Variants in CDH6 observed in about 807,000 individuals in gnomAD.
CDH6 encodes cadherin 6.
CDH6 carries 31 observed loss-of-function variants against 78.0 expected under a neutral mutation model. The observed-to-expected ratio is 0.40, with a 90% CI of 0.30 to 0.54. The LOEUF is 0.54. CDH6 is among the 20% of genes least tolerant of loss of function. The pLI is 0.56. For missense variants in CDH6, 724 were observed against 975.9 expected, an observed-to-expected ratio of 0.74 and a Z score of 3.44; for synonymous variants, 376 against 368.8, an observed-to-expected ratio of 1.02 and a Z score of -0.23.
Position 31,294,191 on chromosome 5 carries a change from A to G in CDH6, c.458A>G (p.Asn153Ser). 6.2e-7 allele frequency: 1 copy of G among 1,614,048 alleles called. No individual in the cohort carries two copies. The highest frequency in any genetic ancestry group is 8.5e-7 in the Non-Finnish European group (1 of 1,179,916). The change falls in exon 3 of 12, where the codon AAT becomes AGT. Residue 153 changes from asparagine (N) to serine (S), a missense_variant. Asn to Ser is a conservative substitution (Grantham distance 46, BLOSUM62 1). Coordinates refer to ENST00000265071, the MANE Select transcript of CDH6 (RefSeq NM_004932.4). The surrounding 1 kb of genome is among the most constrained non-coding windows in gnomAD (Gnocchi z 4.1). Reference protein sequence around the residue: ...SEFIIKIHDINDNEPIFTKEV... With the variant: ...SEFIIKIHDISDNEPIFTKEV... ...TTCATCATCAAGATCCATGACATCAATGACAATGAACCAATATTCACCAAG... is the reference window on the plus strand; with the variant it reads ...TTCATCATCAAGATCCATGACATCAGTGACAATGAACCAATATTCACCAAG...
At chr5:31,273,612 G>C (rs1313843177) in intron 2 of CDH6, among the ~76,000 whole-genome samples, 2 of 152,026 alleles carry the variant, frequency 1.3e-5, no homozygotes, top group African/African-American at 2.4e-5. Flanking sequence ...TGTCCACTTT[G>C]CAAAGCCATT....
In CDH6 at chr5:31,305,187, A is replaced by C; in HGVS notation, c.1013A>C (p.Glu338Ala). 6.2e-7 allele frequency: 1 copy of C among 1,611,586 alleles called. No individual in the cohort carries two copies. Among genetic ancestry groups the C allele is most frequent in the Non-Finnish European group, 8.5e-7 (1 of 1,178,734 alleles). ...CCCAACCTCAAGCTCTTGGACTTTG[A>C]AAAGAAGAAAGTGTATACCCTTAAA... is the stretch of plus-strand genomic sequence containing the variant. ...IITVKKLLDF[E>A]KKKVYTLKVE... The change falls in exon 7 of 12, where the codon GAA (glutamate) becomes GCA (alanine). Residue 338 changes from glutamate (E) to alanine (A), a missense_variant. By Grantham distance (107) the Glu-to-Ala change is moderately radical. This residue lies in a region of CDH6 where 446 missense variants were observed against 684.5 expected (regional missense o/e 0.65). Transcript: ENST00000265071.
At chr5:31,252,111 C>T (rs978311888) in intron 1 of CDH6, among the ~76,000 whole-genome samples, 2 of 152,170 alleles carry the variant, frequency 1.3e-5, no homozygotes, top group African/African-American at 4.8e-5. Flanking sequence ...TATTGCACTT[C>T]TGGCATTATC....
At chr5:31,215,991 T>C (rs1160622202) in intron 1 of CDH6, among the ~76,000 whole-genome samples, 1 of 152,176 alleles carries the variant, frequency 6.6e-6, no homozygotes, top group Non-Finnish European at 1.5e-5. Flanking sequence ...CCCTTTGGTT[T>C]TTTTTCAAAA....
chr5:31,297,341 G>T lies in CDH6; in HGVS notation c.576G>T (p.Gly192=), dbSNP rs1010640288. Residue 192 remains glycine, a synonymous_variant, in exon 4 of 12, where the codon GGG becomes GGT. Transcript: ENST00000265071. ...CGGATGCAGATGATCCAACATATGG[G>T]AACAGTGCTAAAGTTGTCTACAGTA... is the stretch of plus-strand genomic sequence containing the variant. ...TATDADDPTY[G]NSAKVVYSIL... 1 of 1,609,652 alleles carries T rather than the reference G, an allele frequency of 6.2e-7. No individual in the cohort carries two copies. Among genetic ancestry groups the T allele is most frequent in the African/African-American group, 1.3e-5 (1 of 74,932 alleles).
Position 31,324,922 on chromosome 5 carries a change from G to A in CDH6, c.*1614G>A. On this transcript the variant is annotated 3_prime_UTR_variant, in exon 12 of 12. Transcript: ENST00000265071. Reference sequence around the variant, plus strand: ...TTTGAAAACCTAAAAGACAGGCTCTGTATATATATATACTTAAGAATATGC... The same window carrying A: ...TTTGAAAACCTAAAAGACAGGCTCTATATATATATATACTTAAGAATATGC... 1 of 199,146 alleles carries A rather than the reference G, an allele frequency of 5.0e-6. No individual in the cohort carries two copies. The highest frequency in any genetic ancestry group is 6.0e-5 in the Admixed American group (1 of 16,554). 12.3% of individuals were successfully genotyped at this position (199,146 alleles called of 1,614,324 possible).
At position 31,225,064 on chromosome 5, in the gene CDH6, AC is replaced by A. The variant is rs538108621; in HGVS notation, c.-129+31179del. Among the ~76,000 whole-genome samples the A allele has an allele frequency of 5.2e-3, 790 of 152,320 alleles. 5 individuals are homozygous for A. The highest frequency in any genetic ancestry group is 0.018 in the African/African-American group (753 of 41,574). ...CTAACAGGTAGAAGCCAGGGATGCCACTAACATCCTGCAATGCACAGGACAG... is the reference window on the plus strand; with the variant it reads ...CTAACAGGTAGAAGCCAGGGATGCCATAACATCCTGCAATGCACAGGACAG... On this transcript the variant is annotated intron_variant, in intron 1 of 11. Coordinates refer to ENST00000265071, the MANE Select transcript of CDH6 (RefSeq NM_004932.4).
At chr5:31,238,003 A>G (rs1741498263) in intron 1 of CDH6, among the ~76,000 whole-genome samples, 1 of 152,180 alleles carries the variant, frequency 6.6e-6, no homozygotes. Flanking sequence ...AAGATGGCCA[A>G]TGGATGTTAA....
At chr5:31,246,186 A>G (rs1267067042) in intron 1 of CDH6, among the ~76,000 whole-genome samples, 1 of 152,064 alleles carries the variant, frequency 6.6e-6, no homozygotes, top group East Asian at 1.9e-4. Context: ...CTGGGATTAT[A>G]GCCATGAGCC....
At chr5:31,280,245 G>C (rs529244111) in intron 2 of CDH6, among the ~76,000 whole-genome samples, 1 of 152,304 alleles carries the variant, frequency 6.6e-6, no homozygotes, top group African/African-American at 2.4e-5. Flanking sequence ...GAGTTTCATG[G>C]CAGAAAACTT....
At chr5:31,314,535 G>T (rs1738250988) in intron 8 of CDH6, among the ~76,000 whole-genome samples, 1 of 151,850 alleles carries the variant, frequency 6.6e-6, no homozygotes, top group Non-Finnish European at 1.5e-5. Flanking sequence ...TGGTAGAATA[G>T]TAACCAATAT....
rs566355897 is a variant in CDH6, at chr5:31,324,287, C to T, written c.*979C>T. ...GTGAAGTACAATAATTCATATTCTT[C>T]ATATCCTTCTTACACGACTAAGTTG... On this transcript the variant is annotated 3_prime_UTR_variant, in exon 12 of 12. Transcript: ENST00000265071. The T allele has an allele frequency of 4.2e-5, 9 of 212,310 alleles. No homozygotes were observed. Among genetic ancestry groups the T allele is most frequent in the Non-Finnish European group, 8.6e-5 (9 of 104,844 alleles). 13.2% of individuals were successfully genotyped at this position (212,310 alleles called of 1,614,324 possible). A position where few individuals can be genotyped will look rare whatever the true frequency, so the allele number is the denominator to read the frequency against.
In CDH6 at chr5:31,317,656, T is replaced by C; in HGVS notation, c.1631-17T>C. ...GCAGTATCCACATACATTCACCACT[T>C]TGCTTTCCGGTTCCAGACAACACGG... On this transcript the variant is annotated splice_polypyrimidine_tract_variant and intron_variant, in intron 10 of 11. Transcript: ENST00000265071. 6.2e-7 allele frequency: 1 copy of C among 1,602,768 alleles called. No homozygotes were observed. Among genetic ancestry groups the C allele is most frequent in the South Asian group, 1.1e-5 (1 of 89,568 alleles).
At chr5:31,275,699 C>T (rs1742670797) in intron 2 of CDH6, among the ~76,000 whole-genome samples, 1 of 152,018 alleles carries the variant, frequency 6.6e-6, no homozygotes, top group South Asian at 2.1e-4. Flanking sequence ...GAACAAAAAT[C>T]CCTAATTTTA....
intron 7 of CDH6, among the ~76,000 whole-genome samples, chr5:31,311,921 T>C (rs1261294208): frequency 1.4e-5 from 2 of 142,466 alleles, no homozygotes; most frequent in Non-Finnish European, 3.1e-5. Flanking sequence ...TAGTAATACA[T>C]TTACAAATAA....
At position 31,306,761 on chromosome 5, in the gene CDH6, G is replaced by A. The variant is rs367602136; in HGVS notation, c.1253+1334G>A. 1.8e-3 allele frequency among the ~76,000 whole-genome samples: 275 copies of A among 152,142 alleles called. 1 individual carries two copies. Among genetic ancestry groups the A allele is most frequent in the African/African-American group, 6.2e-3 (256 of 41,502 alleles). On this transcript the variant is annotated intron_variant, in intron 7 of 11. Transcript: ENST00000265071. ...CCCATGAAGCTTACATTCTAATTGG[G>A]GCAAGCAGAAATAGACAAACAGTAA... is the stretch of plus-strand genomic sequence containing the variant.
At chr5:31,313,795 CTG>C (rs3840335) in intron 8 of CDH6, among the ~76,000 whole-genome samples, 65,637 of 151,876 alleles carry the variant, frequency 0.43, 16,538 homozygotes, top group Non-Finnish European at 0.54. Flanking sequence ...CAGTCAGACA[CTG>C]TGTGTGGGGG....
At chr5:31,280,502 T>C (rs1742831872) in intron 2 of CDH6, among the ~76,000 whole-genome samples, 1 of 152,196 alleles carries the variant, frequency 6.6e-6, no homozygotes, top group Admixed American at 6.5e-5. Context: ...GTACCAAAGC[T>C]GAGGCTAGAG....
intron 11 of CDH6, among the ~76,000 whole-genome samples, chr5:31,321,253 AT>A (rs1216321464): frequency 6.6e-6 from 1 of 151,304 alleles, no homozygotes; most frequent in Non-Finnish European, 1.5e-5. Context: ...AATACCCTGA[AT>A]GGTTGCATCA....
Sources: gnomAD v4.1 joint callset for allele counts (sites outside exome capture counted in the v4.1 genomes callset) on GRCh38, gnomAD v4.1.1 for gene constraint, gnomAD v4.1.1 regional missense constraint, Gnocchi (gnomAD v3.1) non-coding constraint, MANE v1.5 for transcripts, NCBI Gene and HGNC (gene_info 2026-07-23, HGNC 2026-07-21) for gene names.